The following CTNND2 variants were observed in gnomAD, a reference collection of about 807,000 sequenced individuals.
CTNND2 encodes the protein catenin delta 2.
A neutral mutation model predicts 144.4 loss-of-function variants in CTNND2; 22 were observed. The ratio of observed to expected loss-of-function variants is 0.15; its 90% CI spans 0.11 to 0.22. The LOEUF (loss-of-function observed/expected upper bound fraction) is 0.22, where lower values mean the gene tolerates loss of function less well. CTNND2 is among the 10% of genes least tolerant of loss of function. The probability of loss-of-function intolerance (pLI) is 1.00; values close to 1 mark genes in which losing one functional copy is unlikely to be tolerated. For missense variants in CTNND2, 1,353 were observed against 1,618.8 expected (o/e 0.84, Z 2.82); for synonymous variants, 751 against 695.6 (o/e 1.08, Z -1.25).
intron 2 of CTNND2, among the ~76,000 whole-genome samples, chr5:11,565,425 T>C (rs1170671809): frequency 6.6e-6 from 1 of 152,182 alleles, no homozygotes. Flanking sequence ...TAGCATTTAA[T>C]GAGAAAAAGA....
intron 2 of CTNND2, among the ~76,000 whole-genome samples, chr5:11,699,100 T>C (rs915891529): frequency 6.6e-6 from 1 of 151,624 alleles, no homozygotes; most frequent in Non-Finnish European, 1.5e-5. Context: ...TTAAAAAGAG[T>C]TACTTTAAAA....
intron 1 of CTNND2, among the ~76,000 whole-genome samples, chr5:11,869,486 A>G (rs1296100897): frequency 6.6e-6 from 1 of 152,236 alleles, no homozygotes; most frequent in Non-Finnish European, 1.5e-5. Flanking sequence ...AAGGTCAAAT[A>G]ATATGTGATT....
At chr5:11,546,493 T>C (rs1224726125) in intron 3 of CTNND2, among the ~76,000 whole-genome samples, 1 of 152,202 alleles carries the variant, frequency 6.6e-6, no homozygotes, top group Non-Finnish European at 1.5e-5. Flanking sequence ...TAAAGAAGTC[T>C]ACAAATTACT....
intron 1 of CTNND2, among the ~76,000 whole-genome samples, chr5:11,788,058 T>A (rs536651235): frequency 6.6e-6 from 1 of 152,350 alleles, no homozygotes; most frequent in South Asian, 2.1e-4. Context: ...AAGTGTTTTT[T>A]AAGAAGATTT....
chr5:11,062,952 C>T (rs1361353855), intron 16 of CTNND2, among the ~76,000 whole-genome samples: 1 of 152,182 alleles, frequency 6.6e-6, no homozygotes, highest in South Asian at 2.1e-4. Flanking sequence ...GGAGGAACAA[C>T]CATGATGATG....
intron 16 of CTNND2, among the ~76,000 whole-genome samples, chr5:11,068,896 G>A (rs745503561): frequency 1.3e-5 from 2 of 152,142 alleles, no homozygotes; most frequent in African/African-American, 2.4e-5. Context: ...CAGCCTGGGC[G>A]ACAGAGCGAG....
rs1374655123 is a variant in CTNND2, at chr5:11,282,518, T to C, written c.1629-45695A>G. Among the ~76,000 whole-genome samples, 3 of 152,270 alleles carry C rather than the reference T, an allele frequency of 2.0e-5. No homozygotes were observed. The East Asian group carries it at 5.8e-4, about 29-fold the overall frequency. ...CCCCATAAAGATGAACGCTACAGCC[T>C]CGATTTACAAAAGGCCAGCAGCTCC... On this transcript the variant is annotated intron_variant, in intron 9 of 21. Coordinates refer to ENST00000304623, the MANE Select transcript of CTNND2 (RefSeq NM_001332.4).
intron 16 of CTNND2, among the ~76,000 whole-genome samples, chr5:11,073,792 G>A (rs1748610992): frequency 6.6e-6 from 1 of 152,202 alleles, no homozygotes; most frequent in Admixed American, 6.5e-5. Flanking sequence ...TACAGAGCTT[G>A]CCTTCTGTCT....
At chr5:11,036,873 T>C (rs1744135616) in intron 16 of CTNND2, among the ~76,000 whole-genome samples, 1 of 152,172 alleles carries the variant, frequency 6.6e-6, no homozygotes, top group African/African-American at 2.4e-5. Context: ...TTGAGAGCTG[T>C]CCTGTTCATC....
intron 18 of CTNND2, among the ~76,000 whole-genome samples, chr5:11,004,494 T>C (rs1367101304): frequency 6.6e-6 from 1 of 152,202 alleles, no homozygotes; most frequent in Non-Finnish European, 1.5e-5. Context: ...CCGGGCGCAG[T>C]GGCTAATGCC....
chr5:11,392,067 G>C (rs943959341), intron 6 of CTNND2, among the ~76,000 whole-genome samples: 2 of 152,196 alleles, frequency 1.3e-5, no homozygotes, highest in Non-Finnish European at 2.9e-5. Flanking sequence ...GGGAGAGAAA[G>C]AACAAGAGAG....
intron 9 of CTNND2, among the ~76,000 whole-genome samples, chr5:11,312,108 CGCACACACACAA>C (rs1351386100): frequency 4.7e-5 from 7 of 149,674 alleles, no homozygotes; most frequent in Non-Finnish European, 8.9e-5. Context: ...ACACCCCACA[CGCACACACACAA>C]ACTCCCCATA....
chr5:11,276,145 G>A (rs897194547), intron 9 of CTNND2, among the ~76,000 whole-genome samples: 3 of 152,162 alleles, frequency 2.0e-5, no homozygotes, highest in Non-Finnish European at 2.9e-5. Context: ...CGTGACATTC[G>A]AGAAAATGTC....
intron 1 of CTNND2, among the ~76,000 whole-genome samples, chr5:11,816,239 C>G (rs4464688): frequency 0.92 from 140,047 of 152,200 alleles, 65,402 homozygotes; most frequent in East Asian, 1. Context: ...TTGGTGAGAT[C>G]GGTCAGTGAG....
rs181235698 is a variant in CTNND2 at position 11,138,192 on chromosome 5, G to A, written c.2160-20625C>T. On this transcript the variant is annotated intron_variant, in intron 12 of 21. Coordinates refer to ENST00000304623, the MANE Select transcript of CTNND2 (RefSeq NM_001332.4). ...CCTTTCTCCATCCTCAAAGCCAGCC[G>A]TGATCTCTCATTCTGCTGCATCTCC... Among the ~76,000 whole-genome samples the A allele has an allele frequency of 4.6e-5, 7 of 152,246 alleles. No individual in the cohort carries two copies. In the East Asian group the frequency reaches 9.6e-4, roughly 21 times the overall value.
At chr5:11,433,059 A>G (rs1218074009) in intron 3 of CTNND2, among the ~76,000 whole-genome samples, 1 of 152,212 alleles carries the variant, frequency 6.6e-6, no homozygotes, top group Non-Finnish European at 1.5e-5. Flanking sequence ...CCTGGCTAAC[A>G]TGGTGAAACC....
rs189904479 is a variant in CTNND2 at position 11,807,749 on chromosome 5, T to A, written c.38-75477A>T. Reference sequence around the variant, plus strand: ...GTACTAAGACGCACGGACAGAGGCATAATGGTTCTGTCTGCATGTTCCCAC... The same window carrying A: ...GTACTAAGACGCACGGACAGAGGCAAAATGGTTCTGTCTGCATGTTCCCAC... On this transcript the variant is annotated intron_variant, in intron 1 of 21. Transcript: ENST00000304623. Among the ~76,000 whole-genome samples the A allele has an allele frequency of 3.8e-4, 58 of 152,280 alleles. No homozygotes were observed. The Middle Eastern group carries it at 0.017, about 45-fold the overall frequency.
At chr5:11,466,277 AT>A (rs150463497) in intron 3 of CTNND2, among the ~76,000 whole-genome samples, 2 of 152,178 alleles carry the variant, frequency 1.3e-5, no homozygotes, top group Non-Finnish European at 1.5e-5. Context: ...ACATAAAACC[AT>A]TTTTAAATAC....
At chr5:11,151,492 T>G (rs982625805) in intron 12 of CTNND2, among the ~76,000 whole-genome samples, 1 of 152,244 alleles carries the variant, frequency 6.6e-6, no homozygotes, top group Non-Finnish European at 1.5e-5. Flanking sequence ...AACTTTTTCA[T>G]TGAATTTCTT....
Sources: gnomAD v4.1 joint callset for allele counts (sites outside exome capture counted in the v4.1 genomes callset) on GRCh38, gnomAD v4.1.1 for gene constraint, MANE v1.5 for transcripts, NCBI Gene and HGNC (gene_info 2026-07-23, HGNC 2026-07-21) for gene names.